DENND5B: variants seen among roughly 807,000 people sequenced by gnomAD.
DENND5B encodes DENN domain containing 5B, also known as DENN domain-containing protein 5B.
DENND5B carries 34 observed loss-of-function variants against 140.6 expected under a neutral mutation model. That is an observed-to-expected ratio of 0.24 (90% CI 0.18 to 0.32). The LOEUF (loss-of-function observed/expected upper bound fraction) is 0.32, where lower values mean the gene tolerates loss of function less well. Among genes scored for constraint, DENND5B ranks in the 10% least tolerant of loss-of-function variants. The pLI, the probability that DENND5B is intolerant of heterozygous loss-of-function variation, is 1.00. For synonymous variants in DENND5B, 551 were observed against 562.1 expected (o/e 0.98, Z 0.28); for missense variants, 1,142 against 1,560.2 (o/e 0.73, Z 4.52).
intron 1 of DENND5B, among the ~76,000 whole-genome samples, chr12:31,559,906 C>T (rs1423730717): frequency 1.3e-5 from 2 of 152,234 alleles, no homozygotes; most frequent in East Asian, 1.9e-4. Flanking sequence ...CTGCTGCCTT[C>T]CTTCTTTACT....
In DENND5B at chr12:31,460,226, T is replaced by C. The variant is rs868192665; in HGVS notation, c.1060A>G (p.Thr354Ala). 3 of 1,613,748 alleles carry C rather than the reference T, an allele frequency of 1.9e-6. No homozygotes were observed. The highest frequency in any genetic ancestry group is 2.7e-5 in the African/African-American group (2 of 75,064). Residue 354 changes from threonine (T) to alanine (A), a missense_variant, in exon 4 of 21, where the codon ACT (threonine) becomes GCT (alanine). Around this residue, in one of 5 missense-constraint regions of DENND5B, gnomAD observed 708 missense variants for 905.5 expected, o/e 0.78. Transcript: ENST00000389082. ...YLMGLQSKEG[T>A]DRSKLELPQE... ...GGAAGTTCTAGTTTAGAACGGTCAG[T>C]TCCTTCTTTTGACTGAAGGCCCATC...
intron 2 of DENND5B, among the ~76,000 whole-genome samples, chr12:31,485,575 G>C (rs1490901539): frequency 1.3e-5 from 2 of 152,218 alleles, no homozygotes; most frequent in Non-Finnish European, 2.9e-5. Context: ...GTATGGTTTT[G>C]TTCCAACACA....
At chr12:31,441,390 T>C (rs1393218424) in intron 7 of DENND5B, among the ~76,000 whole-genome samples, 1 of 152,024 alleles carries the variant, frequency 6.6e-6, no homozygotes, top group East Asian at 1.9e-4. Context: ...CCTTCCTATG[T>C]TCCCCAGGCT....
intron 1 of DENND5B, among the ~76,000 whole-genome samples, chr12:31,531,260 C>A (rs11614939): frequency 3.2e-4 from 49 of 151,880 alleles, no homozygotes; most frequent in African/African-American, 9.7e-4. Flanking sequence ...AGTGCAATGG[C>A]GCAGTCTCGG....
intron 1 of DENND5B, among the ~76,000 whole-genome samples, chr12:31,569,015 G>A (rs1592067506): frequency 6.7e-6 from 1 of 149,602 alleles, no homozygotes; most frequent in Non-Finnish European, 1.5e-5. Flanking sequence ...CTCCCAGGTA[G>A]CTAGGGTTAC....
intron 14 of DENND5B, among the ~76,000 whole-genome samples, chr12:31,405,921 C>T (rs963668212): frequency 6.6e-6 from 1 of 152,052 alleles, no homozygotes; most frequent in Non-Finnish European, 1.5e-5. Context: ...TTTCAGCTCA[C>T]TGCAACCTCC....
At chr12:31,584,798 G>C (rs1950337789) in intron 1 of DENND5B, among the ~76,000 whole-genome samples, 1 of 152,050 alleles carries the variant, frequency 6.6e-6, no homozygotes, top group Non-Finnish European at 1.5e-5. Context: ...CTGCACTCCA[G>C]CCTGGGTAAC....
intron 1 of DENND5B, chr12:31,534,716 G>T: frequency 3.1e-6 from 1 of 324,424 alleles, no homozygotes. Context: ...GAACCATTAA[G>T]ACTGAGGTGA....
intron 8 of DENND5B, among the ~76,000 whole-genome samples, chr12:31,430,836 T>C (rs1443068803): frequency 1.3e-5 from 2 of 152,204 alleles, no homozygotes; most frequent in African/African-American, 4.8e-5. Flanking sequence ...CAAAGTCTCC[T>C]TCTGGGCATC....
At chr12:31,468,443 A>G (rs1391560848) in intron 3 of DENND5B, among the ~76,000 whole-genome samples, 2 of 152,116 alleles carry the variant, frequency 1.3e-5, no homozygotes, top group African/African-American at 4.8e-5. Context: ...TAAAAACAAA[A>G]CCATAAATTA....
At chr12:31,511,350 G>T (rs1418038812) in intron 1 of DENND5B, among the ~76,000 whole-genome samples, 1 of 152,150 alleles carries the variant, frequency 6.6e-6, no homozygotes, top group Non-Finnish European at 1.5e-5. Flanking sequence ...AATTAGAACA[G>T]ATTTTTATGG....
intron 15 of DENND5B, 133 bp from the exon 16 acceptor site, chr12:31,399,905 T>C (rs1941705599): frequency 3.3e-6 from 2 of 612,234 alleles, no homozygotes; most frequent in South Asian, 2.2e-5. Flanking sequence ...AGCTATGCAC[T>C]AGAGAAATAT....
intron 1 of DENND5B, among the ~76,000 whole-genome samples, chr12:31,533,285 C>CTTT (rs1452848731): frequency 6.6e-6 from 1 of 151,892 alleles, no homozygotes; most frequent in East Asian, 1.9e-4. Context: ...AATACAACAA[C>CTTT]AAAAAATACA....
intron 2 of DENND5B, among the ~76,000 whole-genome samples, chr12:31,481,821 G>A (rs1403730626): frequency 6.6e-6 from 1 of 152,194 alleles, no homozygotes; most frequent in Non-Finnish European, 1.5e-5. Context: ...GTGCCTCTTA[G>A]CACATCCATC....
At chr12:31,483,722 G>A (rs1359116411) in intron 2 of DENND5B, among the ~76,000 whole-genome samples, 1 of 151,940 alleles carries the variant, frequency 6.6e-6, no homozygotes, top group Non-Finnish European at 1.5e-5. Context: ...ACAGGCTTGA[G>A]CCACTGAGCC....
intron 2 of DENND5B, among the ~76,000 whole-genome samples, chr12:31,490,149 A>G (rs1946468868): frequency 6.6e-6 from 1 of 150,810 alleles, no homozygotes; most frequent in African/African-American, 2.4e-5. Flanking sequence ...CTGACAAAAG[A>G]CTGGTGGGAC....
chr12:31,483,899 C>CT (rs1278539577), intron 2 of DENND5B, among the ~76,000 whole-genome samples: 1 of 143,160 alleles, frequency 7.0e-6, no homozygotes, highest in African/African-American at 2.6e-5. Context: ...GAGTCTCACT[C>CT]TGTCACTCAG....
chr12:31,448,977 A>G (rs1323331655), intron 5 of DENND5B, among the ~76,000 whole-genome samples: 6 of 152,222 alleles, frequency 3.9e-5, no homozygotes, highest in African/African-American at 1.4e-4. Flanking sequence ...GGTTCAGTAC[A>G]TCGTAATCAG....
intron 1 of DENND5B, among the ~76,000 whole-genome samples, chr12:31,577,710 CAAAAAA>C (rs35015214): frequency 1.0e-3 from 71 of 70,490 alleles, no homozygotes; most frequent in South Asian, 2.4e-3. Context: ...GACTCTGTCT[CAAAAAA>C]AAAAAAAAAA....
Sources: gnomAD v4.1 joint callset for allele counts (sites outside exome capture counted in the v4.1 genomes callset) on GRCh38, gnomAD v4.1.1 for gene constraint, gnomAD v4.1.1 regional missense constraint, MANE v1.5 for transcripts, NCBI Gene and HGNC (gene_info 2026-07-23, HGNC 2026-07-21) for gene names.